KCNJ8: variants seen among roughly 807,000 people sequenced by gnomAD.
The protein encoded by KCNJ8 is ATP-sensitive inward rectifier potassium channel 8.
A neutral mutation model predicts 28.2 loss-of-function variants in KCNJ8; 13 were observed. The ratio of observed to expected loss-of-function variants is 0.46; its 90% CI spans 0.30 to 0.73. KCNJ8 has a LOEUF of 0.73. Ranked by LOEUF, KCNJ8 falls within the 30% of genes least tolerant of loss-of-function variation. The pLI is 0.07. For synonymous variants in KCNJ8, 188 were observed against 195.9 expected, an observed-to-expected ratio of 0.96 and a Z score of 0.34; for missense variants, 284 against 542.6, an observed-to-expected ratio of 0.52 and a Z score of 4.73.
intron 2 of KCNJ8, among the ~76,000 whole-genome samples, chr12:21,767,546 G>A (rs1222422172): frequency 2.0e-5 from 3 of 152,064 alleles, no homozygotes; most frequent in Non-Finnish European, 4.4e-5. Flanking sequence ...ATGATCTGAG[G>A]TGGGACAGTT....
Position 21,773,611 on chromosome 12 carries a change from C to A in KCNJ8, c.6G>T (p.Leu2Phe), listed in dbSNP as rs886038917. The A allele has an allele frequency of 1.2e-6, 2 of 1,612,498 alleles. No homozygotes were observed. Among genetic ancestry groups the A allele is most frequent in the Admixed American group, 3.3e-5 (2 of 60,002 alleles). Residue 2 changes from leucine (L) to phenylalanine (F), a missense_variant, in exon 2 of 3, where the codon TTG becomes TTT. By Grantham distance (22) the Leu-to-Phe change is conservative (BLOSUM62 0). Coordinates refer to ENST00000240662, the MANE Select transcript of KCNJ8 (RefSeq NM_004982.4). This position sits in a 1 kb window ranked among gnomAD's most constrained non-coding sequence, Gnocchi z 4.6. MLARKSIIPEEY... is the reference protein window; with the variant it reads MFARKSIIPEEY... The stretch of plus-strand genomic sequence containing the variant: ...CCTCCGGGATGATACTCTTTCTGGC[C>A]AACATCGTCCTGTCACCATAGCCAG...
In KCNJ8 at chr12:21,766,101, C is replaced by T. The variant is rs139329310; in HGVS notation, c.897G>A (p.Val299=). Reference sequence around the variant, plus strand: ...GTGTGGTGATGCCAGTAGTTTCAACCACTCCTTCCAGAATAACTATGACCT... The same window carrying T: ...GTGTGGTGATGCCAGTAGTTTCAACTACTCCTTCCAGAATAACTATGACCT... ...DLEVIVILEG[V]VETTGITTQA... The change falls in exon 3 of 3, where the codon GTG becomes GTA. Residue 299 remains valine, a synonymous_variant. Transcript: ENST00000240662. The surrounding 1 kb of genome is among the most constrained non-coding windows in gnomAD (Gnocchi z 6.5). 1.5e-4 allele frequency: 243 copies of T among 1,614,180 alleles called. No homozygotes were observed. The African/African-American group carries it at 2.7e-3, about 18-fold the overall frequency.
Position 21,766,578 on chromosome 12 carries a change from G to A in KCNJ8, c.420C>T (p.Thr140=). 1 of 1,604,400 alleles carries A rather than the reference G, an allele frequency of 6.2e-7. No homozygotes were observed. The highest frequency in any genetic ancestry group is 8.5e-7 in the Non-Finnish European group (1 of 1,179,786). The change falls in exon 3 of 3, where the codon ACC becomes ACT. Residue 140 remains threonine, a synonymous_variant. Transcript: ENST00000240662. The surrounding 1 kb of genome is among the most constrained non-coding windows in gnomAD (Gnocchi z 6.5). ...TCATCATCCTCCCTCCAAACCCAATGGTAACTTGAACTTCAATGGAGAAGA... is the reference window on the plus strand; with the variant it reads ...TCATCATCCTCCCTCCAAACCCAATAGTAACTTGAACTTCAATGGAGAAGA... ...AFLFSIEVQV[T]IGFGGRMMTE... is the part of the protein sequence containing the mutation.
rs866951707 is a variant in KCNJ8, at chr12:21,765,495, A to G, written c.*228T>C. The G allele has an allele frequency of 3.5e-6, 2 of 579,128 alleles. No individual in the cohort carries two copies. The highest frequency in any genetic ancestry group is 2.0e-5 in the South Asian group (1 of 50,178). 35.9% of individuals were successfully genotyped at this position (579,128 alleles called of 1,614,324 possible). A position where few individuals can be genotyped will look rare whatever the true frequency, so the allele number is the denominator to read the frequency against. On this transcript the variant is annotated 3_prime_UTR_variant, in exon 3 of 3. Coordinates refer to ENST00000240662, the MANE Select transcript of KCNJ8 (RefSeq NM_004982.4). ...ACCCACCCCTGCACATAACTTAAGTATATCACTGCGAATTCTACATGTATG... is the reference window on the plus strand; with the variant it reads ...ACCCACCCCTGCACATAACTTAAGTGTATCACTGCGAATTCTACATGTATG...
chr12:21,773,613 A>G lies in KCNJ8; in HGVS notation c.4T>C (p.Leu2=), dbSNP rs1287145590. 3 of 1,612,460 alleles carry G rather than the reference A, an allele frequency of 1.9e-6. No homozygotes were observed. The highest frequency in any genetic ancestry group is 2.5e-6 in the Non-Finnish European group (3 of 1,180,032). The change falls in exon 2 of 3, where the codon TTG becomes CTG. Residue 2 remains leucine (L), a synonymous_variant. Transcript: ENST00000240662. This position sits in a 1 kb window ranked among gnomAD's most constrained non-coding sequence, Gnocchi z 4.6. The part of the protein sequence containing the change: M[L]ARKSIIPEEY... ...TCCGGGATGATACTCTTTCTGGCCA[A>G]CATCGTCCTGTCACCATAGCCAGCT...
chr12:21,774,386 GA>G (rs542852442), intron 1 of KCNJ8, among the ~76,000 whole-genome samples, 159 bp downstream of exon 1: 7 of 151,024 alleles, frequency 4.6e-5, no homozygotes, highest in African/African-American at 1.7e-4. Flanking sequence ...GTGCGGGGGG[GA>G]AAAAACCCAA....
chr12:21,769,245 ACT>A (rs961581515), intron 2 of KCNJ8, among the ~76,000 whole-genome samples: 5 of 152,260 alleles, frequency 3.3e-5, no homozygotes, highest in African/African-American at 1.2e-4. Context: ...TGCTAAATTG[ACT>A]CTGCCTATGC....
Position 21,766,302 on chromosome 12 carries a change from T to C in KCNJ8, c.696A>G (p.Lys232=). Residue 232 remains lysine, a synonymous_variant, in exon 3 of 3, where the codon AAA becomes AAG. Coordinates refer to ENST00000240662, the MANE Select transcript of KCNJ8 (RefSeq NM_004982.4). This position sits in a 1 kb window ranked among gnomAD's most constrained non-coding sequence, Gnocchi z 6.5. The part of the protein sequence containing the change: ...SASVRIQVVK[K]TTTPEGEVVP... ...CCACCTCCCCTTCAGGTGTAGTTGT[T>C]TTCTTGACCACCTGGATGCGCACAG... 6.2e-7 allele frequency: 1 copy of C among 1,614,196 alleles called. No individual in the cohort carries two copies. The highest frequency in any genetic ancestry group is 8.5e-7 in the Non-Finnish European group (1 of 1,180,024).
At chr12:21,772,975 AT>A (rs532785855) in intron 2 of KCNJ8, among the ~76,000 whole-genome samples, 2 of 151,692 alleles carry the variant, frequency 1.3e-5, no homozygotes, top group South Asian at 2.1e-4. Flanking sequence ...TTGAATTACA[AT>A]TTTTTTTTGA....
intron 2 of KCNJ8, among the ~76,000 whole-genome samples, chr12:21,770,156 C>G (rs1044118143): frequency 3.3e-5 from 5 of 152,114 alleles, no homozygotes; most frequent in African/African-American, 1.2e-4. Flanking sequence ...GCCACAGCCA[C>G]CCCAACCTTG....
intron 2 of KCNJ8, among the ~76,000 whole-genome samples, chr12:21,772,560 G>A (rs569493819): frequency 6.6e-6 from 1 of 152,278 alleles, no homozygotes; most frequent in African/African-American, 2.4e-5. Context: ...TGAAAGAAGA[G>A]TACAAAATTA....
In KCNJ8 at chr12:21,773,473, C is replaced by T. The variant is rs368274950; in HGVS notation, c.144G>A (p.Lys48=). ...AKSGACNLAH[K]NIREQGRFLQ... Reference sequence around the variant, plus strand: ...GAAAGCGTCCTTGCTCACGGATGTTCTTATGCGCCAGGTTGCAGGCCCCGC... The same window carrying T: ...GAAAGCGTCCTTGCTCACGGATGTTTTTATGCGCCAGGTTGCAGGCCCCGC... The change falls in exon 2 of 3, where the codon AAG becomes AAA. Residue 48 remains lysine, a synonymous_variant. Coordinates refer to ENST00000240662, the MANE Select transcript of KCNJ8 (RefSeq NM_004982.4). This position sits in a 1 kb window ranked among gnomAD's most constrained non-coding sequence, Gnocchi z 4.6. The T allele has an allele frequency of 8.1e-6, 13 of 1,614,136 alleles. No individual in the cohort carries two copies. The African/African-American group carries it at 1.3e-4, about 17-fold the overall frequency.
chr12:21,766,846 T>C lies in KCNJ8; in HGVS notation c.375-223A>G, dbSNP rs1783090587. 3.4e-6 allele frequency: 2 copies of C among 587,158 alleles called. No individual in the cohort carries two copies. Among genetic ancestry groups the C allele is most frequent in the African/African-American group, 3.7e-5 (2 of 53,626 alleles). The allele number at this position is 587,158 out of a possible 1,614,324, so 36.4% of individuals were successfully genotyped here. On this transcript the variant is annotated intron_variant, in intron 2 of 2. Transcript: ENST00000240662. The surrounding 1 kb of genome is among the most constrained non-coding windows in gnomAD (Gnocchi z 6.5). ...CAGACTTCTGGAGATTAACATTCTATTAATTAAGTTCCCTTAAGCTAAGGC... is the reference window on the plus strand; with the variant it reads ...CAGACTTCTGGAGATTAACATTCTACTAATTAAGTTCCCTTAAGCTAAGGC...
In KCNJ8 at chr12:21,765,619, A is replaced by G. The variant is rs1940598836; in HGVS notation, c.*104T>C. 2.0e-6 allele frequency: 2 copies of G among 982,716 alleles called. No individual in the cohort carries two copies. The highest frequency in any genetic ancestry group is 3.3e-6 in the Non-Finnish European group (2 of 607,376). The allele number at this position is 982,716 out of a possible 1,614,324, so 60.9% of individuals were successfully genotyped here. On this transcript the variant is annotated 3_prime_UTR_variant, in exon 3 of 3. Transcript: ENST00000240662. ...TATGAATATCATTTAGTGTAATAAA[A>G]TGTAGAAGGACACATTATTGTGTTC...
intron 2 of KCNJ8, among the ~76,000 whole-genome samples, chr12:21,767,165 A>G (rs765959948): frequency 3.3e-4 from 50 of 152,320 alleles, no homozygotes; most frequent in Non-Finnish European, 6.3e-4. Flanking sequence ...TGTGTCTCAT[A>G]TAGAAATAGC....
At chr12:21,774,126 C>T (rs1465467589) in intron 1 of KCNJ8, among the ~76,000 whole-genome samples, 1 of 152,140 alleles carries the variant, frequency 6.6e-6, no homozygotes, top group African/African-American at 2.4e-5. Flanking sequence ...AGAGAAAATT[C>T]TTCCTCCGTT....
chr12:21,765,804 G>C lies in KCNJ8; in HGVS notation c.1194C>G (p.Ile398Met), dbSNP rs765422464. 1.2e-6 allele frequency: 2 copies of C among 1,613,958 alleles called. No homozygotes were observed. The highest frequency in any genetic ancestry group is 3.3e-5 in the Admixed American group (2 of 60,022). ...CCATGAGGGAAGAATTGTTCCTTCG[G>C]ATAGAATTGTTCCTCCTCATGGAAT... is the stretch of plus-strand genomic sequence containing the variant. ...RNNSMRRNNS[I>M]RRNNSSLMVP... is the part of the protein sequence containing the mutation. Residue 398 changes from isoleucine (I) to methionine (M), a missense_variant, in exon 3 of 3, where the codon ATC becomes ATG. Ile to Met is a conservative substitution (Grantham distance 10, BLOSUM62 1). This residue lies in a region of KCNJ8 where 50 missense variants were observed against 55.9 expected (regional missense o/e 0.90). Coordinates refer to ENST00000240662, the MANE Select transcript of KCNJ8 (RefSeq NM_004982.4).
In KCNJ8 at chr12:21,766,762, A is replaced by G; in HGVS notation, c.375-139T>C. ...AGACTAGCCAACTTAAACTTGTAAA[A>G]TGCCTAATTCTAAACTGTGTTTAGA... is the stretch of plus-strand genomic sequence containing the variant. On this transcript the variant is annotated intron_variant, in intron 2 of 2. Transcript: ENST00000240662. The surrounding 1 kb of genome is among the most constrained non-coding windows in gnomAD (Gnocchi z 6.5). The G allele has an allele frequency of 1.4e-6, 1 of 740,068 alleles. No homozygotes were observed. Among genetic ancestry groups the G allele is most frequent in the Admixed American group, 2.1e-5 (1 of 48,660 alleles). The allele number at this position is 740,068 out of a possible 1,614,324, so 45.8% of individuals were successfully genotyped here.
intron 2 of KCNJ8, among the ~76,000 whole-genome samples, chr12:21,768,820 ACT>A (rs1298383153): frequency 1.3e-5 from 2 of 152,198 alleles, no homozygotes; most frequent in African/African-American, 4.8e-5. Context: ...CAAGGCCCTA[ACT>A]CTCTTCATTT....
Sources: allele counts gnomAD v4.1 joint callset (sites outside exome capture counted in the v4.1 genomes callset), GRCh38; gene constraint gnomAD v4.1.1; regional missense constraint gnomAD v4.1.1; non-coding constraint Gnocchi (gnomAD v3.1); transcripts MANE v1.5; gene names NCBI Gene and HGNC (gene_info 2026-07-23, HGNC 2026-07-21).